Variants in LRRC8D observed in about 807,000 individuals in gnomAD.
LRRC8D encodes leucine rich repeat containing 8 VRAC subunit D.
A neutral mutation model predicts 55.8 loss-of-function variants in LRRC8D; 20 were observed. The ratio of observed to expected loss-of-function variants is 0.36; its 90% CI spans 0.25 to 0.52. LRRC8D has a LOEUF of 0.52. LRRC8D is among the 20% of genes least tolerant of loss of function. LRRC8D has a pLI of 0.93. For synonymous variants in LRRC8D, 352 were observed against 377.0 expected (o/e 0.93, Z 0.77); for missense variants, 651 against 1,030.8 (o/e 0.63, Z 5.05).
At chr1:89,856,454 A>G (rs1446401983) in intron 2 of LRRC8D, among the ~76,000 whole-genome samples, 3 of 152,182 alleles carry the variant, frequency 2.0e-5, no homozygotes, top group Non-Finnish European at 4.4e-5. Context: ...TGATTGGCAG[A>G]TTTTTATTTG....
intron 2 of LRRC8D, among the ~76,000 whole-genome samples, chr1:89,848,251 G>A (rs1661328601): frequency 6.6e-6 from 1 of 152,102 alleles, no homozygotes; most frequent in South Asian, 2.1e-4. Context: ...CCCTGTTTTT[G>A]TAGAGTCAGG....
chr1:89,838,705 C>T (rs1661061986), intron 1 of LRRC8D, among the ~76,000 whole-genome samples: 1 of 152,154 alleles, frequency 6.6e-6, no homozygotes, highest in Admixed American at 6.5e-5. Context: ...TCATGTCCTA[C>T]TTTACATGCA....
chr1:89,825,899 A>C (rs575067724), intron 1 of LRRC8D, among the ~76,000 whole-genome samples: 1 of 152,226 alleles, frequency 6.6e-6, no homozygotes. Context: ...GGAGAGCTAG[A>C]GGAAAATTTC....
intron 2 of LRRC8D, among the ~76,000 whole-genome samples, chr1:89,914,277 C>T (rs1663203852): frequency 6.6e-6 from 1 of 152,156 alleles, no homozygotes; most frequent in African/African-American, 2.4e-5. Flanking sequence ...AAGCCCACGC[C>T]CACCCGGAAC....
At chr1:89,919,850 C>G (rs558007728) in intron 2 of LRRC8D, among the ~76,000 whole-genome samples, 24 of 152,208 alleles carry the variant, frequency 1.6e-4, no homozygotes, top group African/African-American at 5.3e-4. Flanking sequence ...CCCCAGAACC[C>G]TATAGCAAAA....
At chr1:89,840,318 G>A (rs1181185614) in intron 1 of LRRC8D, among the ~76,000 whole-genome samples, 1 of 152,218 alleles carries the variant, frequency 6.6e-6, no homozygotes, top group Non-Finnish European at 1.5e-5. Flanking sequence ...AGCTGACCAG[G>A]GGAAAGTATG....
At chr1:89,879,602 A>G (rs1662231177) in intron 2 of LRRC8D, among the ~76,000 whole-genome samples, 1 of 152,216 alleles carries the variant, frequency 6.6e-6, no homozygotes, top group Non-Finnish European at 1.5e-5. Flanking sequence ...TATAAGAAAC[A>G]ATTTCTTTTT....
chr1:89,882,536 C>T (rs1662310970), intron 2 of LRRC8D, among the ~76,000 whole-genome samples: 1 of 152,146 alleles, frequency 6.6e-6, no homozygotes, highest in African/African-American at 2.4e-5. Context: ...GGGCTCATCC[C>T]CTGCCCTCAG....
intron 2 of LRRC8D, among the ~76,000 whole-genome samples, chr1:89,853,272 A>G (rs1473181182): frequency 6.6e-6 from 1 of 152,214 alleles, no homozygotes; most frequent in Non-Finnish European, 1.5e-5. Flanking sequence ...AGGATGGAAA[A>G]CATAAGAAGT....
chr1:89,879,589 G>A (rs889817365), intron 2 of LRRC8D, among the ~76,000 whole-genome samples: 1 of 152,176 alleles, frequency 6.6e-6, no homozygotes, highest in Non-Finnish European at 1.5e-5. Flanking sequence ...GTATGATATT[G>A]TGTATAAGAA....
intron 1 of LRRC8D, among the ~76,000 whole-genome samples, chr1:89,841,875 G>A (rs1343449732): frequency 1.3e-5 from 2 of 152,138 alleles, no homozygotes; most frequent in Non-Finnish European, 2.9e-5. Flanking sequence ...GAGATGAAGG[G>A]ATGGATCACA....
intron 2 of LRRC8D, among the ~76,000 whole-genome samples, chr1:89,916,590 G>A (rs757789330): frequency 1.8e-4 from 28 of 152,064 alleles, no homozygotes; most frequent in Non-Finnish European, 2.6e-4. Context: ...TCTTCATTAC[G>A]CTTTAATGAG....
intron 2 of LRRC8D, among the ~76,000 whole-genome samples, chr1:89,886,247 G>A (rs936912397): frequency 6.6e-6 from 1 of 152,182 alleles, no homozygotes; most frequent in African/African-American, 2.4e-5. Flanking sequence ...AAGAGTGAGA[G>A]ACTCTTCTCA....
Position 89,935,709 on chromosome 1 carries a change from C to T in LRRC8D, c.*64C>T, listed in dbSNP as rs1387593593. The stretch of plus-strand genomic sequence containing the variant: ...TTCCTAGATTGCAAGTGCTCACGTA[C>T]AAGTTATTACAAGATAATGCATTTT... On this transcript the variant is annotated 3_prime_UTR_variant, in exon 3 of 3. Transcript: ENST00000337338. 22 of 1,403,444 alleles carry T rather than the reference C, an allele frequency of 1.6e-5. No individual in the cohort carries two copies. Among genetic ancestry groups the T allele is most frequent in the Non-Finnish European group, 2.1e-5 (21 of 1,010,468 alleles). 86.9% of individuals were successfully genotyped at this position (1,403,444 alleles called of 1,614,324 possible).
At chr1:89,849,230 T>C (rs1661352632) in intron 2 of LRRC8D, among the ~76,000 whole-genome samples, 1 of 152,232 alleles carries the variant, frequency 6.6e-6, no homozygotes, top group South Asian at 2.1e-4. Flanking sequence ...GTAAACAATA[T>C]GGAGACAGTA....
intron 1 of LRRC8D, among the ~76,000 whole-genome samples, chr1:89,831,225 T>C (rs4658331): frequency 0.24 from 35,837 of 152,124 alleles, 5,478 homozygotes; most frequent in East Asian, 0.85. Flanking sequence ...CTTTTAAACA[T>C]TAATTTAAAT....
intron 2 of LRRC8D, among the ~76,000 whole-genome samples, chr1:89,885,794 C>G (rs1393448942): frequency 2.0e-5 from 3 of 152,158 alleles, no homozygotes; most frequent in South Asian, 4.1e-4. Context: ...CTTTCTCTTA[C>G]AAGATCCTCA....
chr1:89,833,346 A>G (rs888210307), intron 1 of LRRC8D, among the ~76,000 whole-genome samples: 1 of 152,264 alleles, frequency 6.6e-6, no homozygotes, highest in African/African-American at 2.4e-5. Flanking sequence ...ACTGATCATT[A>G]CAAAGGCTGT....
intron 2 of LRRC8D, among the ~76,000 whole-genome samples, chr1:89,918,405 C>A (rs1663328500): frequency 6.6e-6 from 1 of 152,234 alleles, no homozygotes; most frequent in Non-Finnish European, 1.5e-5. Flanking sequence ...TACTCTCAGT[C>A]AGAATTTCTG....
Sources: gnomAD v4.1 joint callset for allele counts (sites outside exome capture counted in the v4.1 genomes callset) on GRCh38, gnomAD v4.1.1 for gene constraint, MANE v1.5 for transcripts, NCBI Gene and HGNC (gene_info 2026-07-23, HGNC 2026-07-21) for gene names.